Variants in TH observed in about 807,000 individuals in gnomAD.
TH encodes tyrosine 3-monooxygenase.
TH carries 49 observed loss-of-function variants against 57.4 expected under a neutral mutation model. That is an observed-to-expected ratio of 0.85 (90% CI 0.68 to 1.08). The LOEUF (loss-of-function observed/expected upper bound fraction) is 1.08, where lower values mean the gene tolerates loss of function less well. Among genes scored for constraint, TH ranks in the 50% least tolerant of loss-of-function variants. The pLI is 0.00. For synonymous variants in TH, 330 were observed against 304.5 expected, an observed-to-expected ratio of 1.08 and a Z score of -0.87; for missense variants, 720 against 696.7, an observed-to-expected ratio of 1.03 and a Z score of -0.38.
chr11:2,164,430 G>A (rs1323033539), intron 12 of TH, 38 bp from the exon 13 acceptor site: 2 of 1,545,862 alleles, frequency 1.3e-6, no homozygotes, highest in Admixed American at 3.9e-5. Context: ...TCAACTGGCG[G>A]GCAGAGTCTG....
intron 12 of TH, 144 bp downstream of exon 12, chr11:2,165,088 G>A: frequency 8.1e-7 from 1 of 1,231,848 alleles, no homozygotes; most frequent in Non-Finnish European, 1.2e-6. Flanking sequence ...TGTCCCTGCT[G>A]TGTGGGGGCT....
chr11:2,169,710 C>T lies in TH; in HGVS notation c.252G>A (p.Leu84=), dbSNP rs758016812. ...GCTTGGTGGCCCTCGGGGAGAAGAGCAGGTTTAGCACGGCCTTCCCCTCCT... is the reference window on the plus strand; with the variant it reads ...GCTTGGTGGCCCTCGGGGAGAAGAGTAGGTTTAGCACGGCCTTCCCCTCCT... ...EEKEGKAVLN[L]LFSPRATKPS... Residue 84 remains leucine, a synonymous_variant, in exon 2 of 13, where the codon CTG becomes CTA. Coordinates refer to ENST00000352909, the MANE Select transcript of TH (RefSeq NM_000360.4). 126 of 1,613,232 alleles carry T rather than the reference C, an allele frequency of 7.8e-5. No homozygotes were observed. The Admixed American group carries it at 2.1e-3, about 26-fold the overall frequency.
Position 2,171,789 on chromosome 11 carries a change from C to A in TH, c.-3G>T. ...GTGGTGGCGTCGGGGGTGGGCATGG[C>A]TCAGTGTGGAGGTCCGGGCTCCGTC... is the stretch of plus-strand genomic sequence containing the variant. On this transcript the variant is annotated 5_prime_UTR_variant, in exon 1 of 13. Coordinates refer to ENST00000352909, the MANE Select transcript of TH (RefSeq NM_000360.4). This position sits in a 1 kb window ranked among gnomAD's most constrained non-coding sequence, Gnocchi z 8.6. The A allele has an allele frequency of 6.2e-7, 1 of 1,610,986 alleles. No individual in the cohort carries two copies.
At chr11:2,169,980 G>A in intron 1 of TH, 109 bp from the exon 2 acceptor site, 1 of 1,158,098 alleles carries the variant, frequency 8.6e-7, no homozygotes. Flanking sequence ...AGAGGCAGGG[G>A]ATGAGAGCAC....
chr11:2,165,080 T>C (rs2133688395), intron 12 of TH, 152 bp downstream of exon 12: 1 of 1,150,348 alleles, frequency 8.7e-7, no homozygotes, highest in Non-Finnish European at 1.3e-6. Context: ...ACGGATGGTG[T>C]CCCTGCTGTG....
Position 2,169,757 on chromosome 11 carries a change from C to T in TH, c.205G>A (p.Glu69Lys), listed in dbSNP as rs374853290. The T allele has an allele frequency of 1.1e-5, 17 of 1,612,256 alleles. No individual in the cohort carries two copies. The African/African-American group carries it at 1.5e-4, about 14-fold the overall frequency. Residue 69 changes from glutamate to lysine, a missense_variant, in exon 2 of 13, where the codon GAG (glutamate) becomes AAG (lysine). Transcript: ENST00000352909. The part of the protein sequence containing the change: ...AVPSEPGDPL[E>K]AVAFEEKEGK... ...TCCTTCTCCTCAAAGGCCACAGCCT[C>T]CAGGGGGTCCCCGGGCTCCGAGGGG... is the stretch of plus-strand genomic sequence containing the variant.
chr11:2,168,473 G>C lies in TH; in HGVS notation c.487+18C>G, dbSNP rs1398920866. The C allele has an allele frequency of 2.5e-6, 4 of 1,611,858 alleles. No homozygotes were observed. In the African/African-American group the frequency reaches 4.0e-5, roughly 16 times the overall value. On this transcript the variant is annotated intron_variant, in intron 3 of 12. Transcript: ENST00000352909. ...TCAAGGTCATTTGGTGGCCCTCAAGGACAGAAAACCGCCTCACCCTTGGGC... is the reference window on the plus strand; with the variant it reads ...TCAAGGTCATTTGGTGGCCCTCAAGCACAGAAAACCGCCTCACCCTTGGGC...
Position 2,171,653 on chromosome 11 carries a change from G to A in TH, c.90+44C>T, listed in dbSNP as rs769341753. The A allele has an allele frequency of 6.9e-6, 11 of 1,598,628 alleles. No individual in the cohort carries two copies. Among genetic ancestry groups the A allele is most frequent in the South Asian group, 3.3e-5 (3 of 90,760 alleles). ...CAGAGGCAGCTGGCACCAGCCCTGG[G>A]CTCCGGTCCACTGCGGCCGCCGGGC... On this transcript the variant is annotated intron_variant, in intron 1 of 12. Transcript: ENST00000352909. The surrounding 1 kb of genome is among the most constrained non-coding windows in gnomAD (Gnocchi z 8.6).
At position 2,171,084 on chromosome 11, in the gene TH, G is replaced by GGTGA. The variant is rs554658416; in HGVS notation, c.90+609_90+612dup. Among the ~76,000 whole-genome samples the GGTGA allele has an allele frequency of 1.1e-5, 1 of 92,066 alleles. No individual in the cohort carries two copies. The highest frequency in any genetic ancestry group is 2.4e-5 in the Non-Finnish European group (1 of 41,332). The allele number at this position is 92,066 out of a possible 152,430, so 60.4% of individuals were successfully genotyped here. A position where few individuals can be genotyped will look rare whatever the true frequency, so the allele number is the denominator to read the frequency against. The stretch of plus-strand genomic sequence containing the variant: ...AGGTCACAGGGAACACAGACTCCAT[G>GGTGA]GTGAATGAATGAATGAATGAATGAA... On this transcript the variant is annotated intron_variant, in intron 1 of 12. Coordinates refer to ENST00000352909, the MANE Select transcript of TH (RefSeq NM_000360.4). The surrounding 1 kb of genome is among the most constrained non-coding windows in gnomAD (Gnocchi z 8.6).
chr11:2,165,630 C>A, intron 11 of TH, 38 bp downstream of exon 11: 1 of 1,600,250 alleles, frequency 6.2e-7, no homozygotes, highest in Non-Finnish European at 8.6e-7. Context: ...CCCAGCCCTG[C>A]CCCTCTGCTG....
rs372409517 is a variant in TH at position 2,167,926 on chromosome 11, G to A, written c.584C>T (p.Ser195Leu). 30 of 1,611,372 alleles carry A rather than the reference G, an allele frequency of 1.9e-5. No homozygotes were observed. Among genetic ancestry groups the A allele is most frequent in the African/African-American group, 4.0e-5 (3 of 74,880 alleles). ...CCTGCGCTGGCGGTACACCTGGTCC[G>A]AGAAGCCCTGAGGGCAGAGGGGATG... The part of the protein sequence containing the change: ...PDLDLDHPGF[S>L]DQVYRQRRKL... The change falls in exon 5 of 13, where the codon TCG becomes TTG. Residue 195 changes from serine (S) to leucine (L), a missense_variant. Coordinates refer to ENST00000352909, the MANE Select transcript of TH (RefSeq NM_000360.4).
chr11:2,170,768 G>A lies in TH; in HGVS notation c.91-897C>T, dbSNP rs762373165. 24 of 1,534,356 alleles carry A rather than the reference G, an allele frequency of 1.6e-5. 2 individuals carry two copies. The South Asian group carries it at 1.7e-4, about 11-fold the overall frequency. ...AGCCTGTGAGGCTGGGCCCCGGGGC[G>A]CCCTGGGGAGGGGATGCCTGATGGG... On this transcript the variant is annotated intron_variant, in intron 1 of 12. Coordinates refer to ENST00000352909, the MANE Select transcript of TH (RefSeq NM_000360.4). This position sits in a 1 kb window ranked among gnomAD's most constrained non-coding sequence, Gnocchi z 6.0.
At position 2,171,305 on chromosome 11, in the gene TH, G is replaced by A. The variant is rs1479861994; in HGVS notation, c.90+392C>T. ...ACTAGGGCAGCTGGGGCAGAGGGAG[G>A]CAGGGGCAGGTGGGAGTAGGGTGGG... is the stretch of plus-strand genomic sequence containing the variant. On this transcript the variant is annotated intron_variant, in intron 1 of 12. Coordinates refer to ENST00000352909, the MANE Select transcript of TH (RefSeq NM_000360.4). The surrounding 1 kb of genome is among the most constrained non-coding windows in gnomAD (Gnocchi z 8.6). 2.6e-5 allele frequency among the ~76,000 whole-genome samples: 4 copies of A among 151,992 alleles called. No homozygotes were observed. The highest frequency in any genetic ancestry group is 5.9e-5 in the Non-Finnish European group (4 of 67,976).
Position 2,166,668 on chromosome 11 carries a change from G to C in TH, c.942C>G (p.Ile314Met). The change falls in exon 8 of 13, where the codon ATC becomes ATG. Residue 314 changes from isoleucine (I) to methionine (M), a missense_variant. Ile to Met is a conservative substitution (Grantham distance 10, BLOSUM62 1). Coordinates refer to ENST00000352909, the MANE Select transcript of TH (RefSeq NM_000360.4). Reference sequence around the variant, plus strand: ...AGTGCATGGGCGAGGACGCGTGGCGGATATACTGGGTGCACTGGAACACGC... The same window carrying C: ...AGTGCATGGGCGAGGACGCGTGGCGCATATACTGGGTGCACTGGAACACGC... ...AFRVFQCTQY[I>M]RHASSPMHSP... 6.4e-7 allele frequency: 1 copy of C among 1,569,242 alleles called. No homozygotes were observed. Among genetic ancestry groups the C allele is most frequent in the Non-Finnish European group, 8.6e-7 (1 of 1,157,854 alleles).
Position 2,170,150 on chromosome 11 carries a change from G to A in TH, c.91-279C>T, listed in dbSNP as rs1369510915. Among the ~76,000 whole-genome samples, 2 of 152,160 alleles carry A rather than the reference G, an allele frequency of 1.3e-5. No homozygotes were observed. Among genetic ancestry groups the A allele is most frequent in the African/African-American group, 4.8e-5 (2 of 41,436 alleles). ...GCTCGCCTGCTCCCCACTCTGTGGC[G>A]AGCAGACAGACAGAGACGCTGTGTC... On this transcript the variant is annotated intron_variant, in intron 1 of 12. Coordinates refer to ENST00000352909, the MANE Select transcript of TH (RefSeq NM_000360.4). The surrounding 1 kb of genome is among the most constrained non-coding windows in gnomAD (Gnocchi z 6.0).
chr11:2,169,145 G>A (rs1564919978), intron 2 of TH, among the ~76,000 whole-genome samples: 3 of 152,096 alleles, frequency 2.0e-5, no homozygotes, highest in African/African-American at 4.8e-5. Context: ...AGTGGCCCTC[G>A]GGCCACAAAA....
At chr11:2,168,400 C>T (rs1173410479) in intron 3 of TH, 91 bp downstream of exon 3, 9 of 1,545,646 alleles carry the variant, frequency 5.8e-6, no homozygotes, top group East Asian at 4.6e-5. Context: ...GCCACCACCA[C>T]GTGGTCACTG....
intron 11 of TH, 136 bp downstream of exon 11, chr11:2,165,532 C>CA: frequency 7.4e-7 from 1 of 1,352,608 alleles, no homozygotes; most frequent in Non-Finnish European, 1.0e-6. Flanking sequence ...TGGGCAGAGA[C>CA]AAGCCTTCTC....
chr11:2,168,153 CTGACACTT>C lies in TH; in HGVS notation c.506_513del (p.Lys169ArgfsTer15). On this transcript the variant is annotated frameshift_variant, in exon 4 of 13. Coordinates refer to ENST00000352909, the MANE Select transcript of TH (RefSeq NM_000360.4). LOFTEE classifies it high-confidence loss of function. ...ACCAGGTGATGACACTTGTCCAGCT[CTGACACTT>C]TTCTTGGGAACCAGGGGACTTTATG... 6.2e-7 allele frequency: 1 copy of C among 1,613,636 alleles called. No individual in the cohort carries two copies. Among genetic ancestry groups the C allele is most frequent in the South Asian group, 1.1e-5 (1 of 91,088 alleles).
Sources: gnomAD v4.1 joint callset for allele counts (sites outside exome capture counted in the v4.1 genomes callset) on GRCh38, gnomAD v4.1.1 for gene constraint, Gnocchi (gnomAD v3.1) non-coding constraint, MANE v1.5 for transcripts, NCBI Gene and HGNC (gene_info 2026-07-23, HGNC 2026-07-21) for gene names.